Variants in WARS2 observed in about 807,000 individuals in gnomAD.
The protein encoded by WARS2 is tryptophan--tRNA ligase, mitochondrial.
In WARS2, 28 loss-of-function variants were observed where a neutral mutation model predicts 36.5. The ratio of observed to expected loss-of-function variants is 0.77; its 90% confidence interval spans 0.57 to 1.05. The LOEUF (loss-of-function observed/expected upper bound fraction) is 1.05, where lower values mean the gene tolerates loss of function less well. WARS2 is among the 50% of genes least tolerant of loss of function. The pLI is 0.00. For synonymous variants in WARS2, 174 were observed against 178.4 expected (o/e 0.98, Z 0.20); for missense variants, 435 against 456.8 (o/e 0.95, Z 0.44).
chr1:119,046,789 T>C (rs908419974), intron 2 of WARS2, among the ~76,000 whole-genome samples: 4 of 146,682 alleles, frequency 2.7e-5, no homozygotes, highest in African/African-American at 1.0e-4. Context: ...TTTTTTTTTT[T>C]CATCCACATG....
chr1:119,121,491 CA>C (rs1655322782), intron 1 of WARS2, among the ~76,000 whole-genome samples: 1 of 151,910 alleles, frequency 6.6e-6, no homozygotes, highest in Non-Finnish European at 1.5e-5. Context: ...AAATTCAATG[CA>C]ATTCCCATCA....
intron 1 of WARS2, chr1:119,085,544 C>G: frequency 6.2e-7 from 1 of 1,611,398 alleles, no homozygotes; most frequent in South Asian, 1.1e-5. Flanking sequence ...GGGTACGAGC[C>G]CCACAGCCCT....
At chr1:119,037,651 T>G (rs1647992474) in intron 4 of WARS2, among the ~76,000 whole-genome samples, 2 of 152,200 alleles carry the variant, frequency 1.3e-5, no homozygotes, top group Non-Finnish European at 2.9e-5. Context: ...TTTCTAAAGA[T>G]TTAAGGCCAC....
intron 1 of WARS2, among the ~76,000 whole-genome samples, chr1:119,114,434 T>G (rs1341580): frequency 0.44 from 66,695 of 151,952 alleles, 15,705 homozygotes; most frequent in East Asian, 0.84. Context: ...AAGAAGAAAA[T>G]AATAACAAGA....
chr1:119,127,376 C>A, intron 1 of WARS2: 10 of 415,528 alleles, frequency 2.4e-5, no homozygotes, highest in Non-Finnish European at 3.6e-5. Context: ...ACAGAAAAAT[C>A]AAGCGACTGC....
At chr1:119,048,747 A>G (rs1413644686) in intron 2 of WARS2, among the ~76,000 whole-genome samples, 5 of 152,164 alleles carry the variant, frequency 3.3e-5, no homozygotes, top group African/African-American at 1.2e-4. Flanking sequence ...TTGGTCGGCC[A>G]CACCCTCGTC....
At chr1:119,106,270 C>A (rs1654231725) in intron 1 of WARS2, among the ~76,000 whole-genome samples, 1 of 152,212 alleles carries the variant, frequency 6.6e-6, no homozygotes, top group Non-Finnish European at 1.5e-5. Context: ...GCATCCCACA[C>A]CATAGTGGTA....
At position 119,140,573 on chromosome 1, in the gene WARS2, T is replaced by G. The variant is rs770871163; in HGVS notation, c.72A>C (p.Ala24=). The stretch of plus-strand genomic sequence containing the variant: ...TGGTTACCTGGAGAGCGGGAGCAGC[T>G]GCGGATCCCTTATGAAGTGCCCGGA... ...SFIRALHKGS[A]AAPALQKDSK... Residue 24 remains alanine, a synonymous_variant, in exon 1 of 6, where the codon GCA becomes GCC. Transcript: ENST00000235521. 1.2e-6 allele frequency: 2 copies of G among 1,613,542 alleles called. No individual in the cohort carries two copies. The highest frequency in any genetic ancestry group is 1.7e-6 in the Non-Finnish European group (2 of 1,179,570).
intron 1 of WARS2, among the ~76,000 whole-genome samples, chr1:119,136,048 A>G (rs1656484432): frequency 6.6e-6 from 1 of 152,210 alleles, no homozygotes; most frequent in Admixed American, 6.5e-5. Flanking sequence ...CTGGGATTAC[A>G]GGCGTCAGCC....
intron 1 of WARS2, chr1:119,140,118 GC>G: frequency 6.4e-6 from 1 of 155,502 alleles, no homozygotes; most frequent in Non-Finnish European, 1.4e-5. Context: ...GACCCAAGCT[GC>G]CCAATGCCTA....
At chr1:119,132,769 AT>A (rs1255556980) in intron 1 of WARS2, among the ~76,000 whole-genome samples, 2 of 152,178 alleles carry the variant, frequency 1.3e-5, no homozygotes, top group African/African-American at 2.4e-5. Context: ...TCTGTTCAAT[AT>A]TGCTAATTTT....
intron 1 of WARS2, among the ~76,000 whole-genome samples, chr1:119,111,209 G>C (rs183438542): frequency 4.0e-4 from 61 of 152,212 alleles, no homozygotes; most frequent in African/African-American, 1.5e-3. Context: ...TTTGTTCAAA[G>C]GTGGACATAA....
chr1:119,079,290 C>A (rs1652007961), intron 1 of WARS2, among the ~76,000 whole-genome samples: 1 of 152,038 alleles, frequency 6.6e-6, no homozygotes, highest in Non-Finnish European at 1.5e-5. Flanking sequence ...AAAAATATGT[C>A]TTGGAACCTG....
intron 1 of WARS2, among the ~76,000 whole-genome samples, chr1:119,084,550 T>C (rs1194978276): frequency 6.6e-6 from 1 of 152,206 alleles, no homozygotes; most frequent in Non-Finnish European, 1.5e-5. Context: ...ATTAAACATT[T>C]TTTTAAACAG....
chr1:119,120,927 C>T (rs114434474), intron 1 of WARS2, among the ~76,000 whole-genome samples: 13,699 of 152,134 alleles, frequency 0.09, 850 homozygotes, highest in Non-Finnish European at 0.13. Context: ...GACAAACCCA[C>T]AGGCAACATT....
chr1:119,126,661 A>G (rs952940035), intron 1 of WARS2: 7 of 718,088 alleles, frequency 9.7e-6, no homozygotes, highest in African/African-American at 3.5e-5. Flanking sequence ...AGTTTTCCCA[A>G]TTCAAACTAG....
intron 1 of WARS2, among the ~76,000 whole-genome samples, chr1:119,136,087 A>G (rs1656488250): frequency 6.6e-6 from 1 of 152,134 alleles, no homozygotes; most frequent in Admixed American, 6.5e-5. Context: ...ATGTTTAAAT[A>G]AATAAATAAA....
At chr1:119,061,346 T>G (rs1215458116) in intron 2 of WARS2, among the ~76,000 whole-genome samples, 2 of 151,832 alleles carry the variant, frequency 1.3e-5, no homozygotes, top group African/African-American at 4.8e-5. Flanking sequence ...AGATAGAAAA[T>G]CTCAGCAGAT....
At chr1:119,069,459 G>A (rs1295167058) in intron 2 of WARS2, among the ~76,000 whole-genome samples, 1 of 152,288 alleles carries the variant, frequency 6.6e-6, no homozygotes, top group Non-Finnish European at 1.5e-5. Context: ...TTTTAAAAAT[G>A]TAGATAAATA....
Sources: gnomAD v4.1 joint callset for allele counts (sites outside exome capture counted in the v4.1 genomes callset) on GRCh38, gnomAD v4.1.1 for gene constraint, MANE v1.5 for transcripts, NCBI Gene and HGNC (gene_info 2026-07-23, HGNC 2026-07-21) for gene names.